The following RALGAPA2 variants were observed in gnomAD, a reference collection of about 807,000 sequenced individuals.
RALGAPA2 encodes the protein Ral GTPase activating protein catalytic subunit alpha 2.
Under a neutral mutation model 230.4 loss-of-function variants are expected in RALGAPA2, and 139 were observed. The ratio of observed to expected loss-of-function variants is 0.60; its 90% CI spans 0.53 to 0.69. The LOEUF is 0.69. RALGAPA2 is among the 30% of genes least tolerant of loss of function. The pLI is 0.00. For synonymous variants in RALGAPA2, 847 were observed against 837.8 expected, an observed-to-expected ratio of 1.01 and a Z score of -0.19; for missense variants, 2,163 against 2,276.0, an observed-to-expected ratio of 0.95 and a Z score of 1.01.
chr20:20,530,663 C>T (rs1450363922), intron 27 of RALGAPA2, among the ~76,000 whole-genome samples: 2 of 152,180 alleles, frequency 1.3e-5, no homozygotes, highest in Admixed American at 6.5e-5. Context: ...GCTATTATAG[C>T]TGCATGTGGC....
intron 27 of RALGAPA2, among the ~76,000 whole-genome samples, chr20:20,528,186 T>C (rs1348554093): frequency 6.6e-6 from 1 of 152,066 alleles, no homozygotes; most frequent in Non-Finnish European, 1.5e-5. Flanking sequence ...TGACATGTAA[T>C]GAAGGAGGTG....
At chr20:20,478,880 C>T (rs144507994) in intron 36 of RALGAPA2, among the ~76,000 whole-genome samples, 8 of 151,276 alleles carry the variant, frequency 5.3e-5, no homozygotes, top group South Asian at 2.1e-4. Context: ...AAAAAAAGTT[C>T]GTTCTTTGAA....
In RALGAPA2 at chr20:20,512,789, A is replaced by G. The variant is rs2062751826; in HGVS notation, c.4580T>C (p.Ile1527Thr). Residue 1527 changes from isoleucine to threonine, a missense_variant, in exon 32 of 40, where the codon ATT becomes ACT. Transcript: ENST00000202677. ...DDVLDKLLEN[I>T]GHTSPECLLP... ...AAGGCATTCAGGACTTGTATGGCCA[A>G]TGTTTTCAAGTAATTTGTCAAGAAC... 3 of 1,613,926 alleles carry G rather than the reference A, an allele frequency of 1.9e-6. No individual in the cohort carries two copies. Among genetic ancestry groups the G allele is most frequent in the Non-Finnish European group, 2.5e-6 (3 of 1,179,792 alleles).
Position 20,524,492 on chromosome 20 carries a change from C to A in RALGAPA2, c.3814G>T (p.Val1272Leu). The change falls in exon 30 of 40, where the codon GTG becomes TTG. Residue 1272 changes from valine (V) to leucine (L), a missense_variant. Val to Leu is a conservative substitution (Grantham distance 32). Transcript: ENST00000202677. The part of the protein sequence containing the change: ...CLLDWCMALP[V>L]SVLLHPVSTA... The stretch of plus-strand genomic sequence containing the variant: ...GACACGGGGTGGAGAAGGACACTCA[C>A]GGGCAATGCCATGCACCAGTCCAAG... 3 of 1,613,854 alleles carry A rather than the reference C, an allele frequency of 1.9e-6. No homozygotes were observed. Among genetic ancestry groups the A allele is most frequent in the Non-Finnish European group, 2.5e-6 (3 of 1,179,820 alleles).
At chr20:20,625,333 T>C (rs1030558734) in intron 10 of RALGAPA2, among the ~76,000 whole-genome samples, 1 of 152,236 alleles carries the variant, frequency 6.6e-6, no homozygotes, top group Non-Finnish European at 1.5e-5. Flanking sequence ...CCAGACTTTC[T>C]TCTAACATTA....
At chr20:20,402,412 T>C (rs1220691122) in intron 38 of RALGAPA2, among the ~76,000 whole-genome samples, 1 of 152,218 alleles carries the variant, frequency 6.6e-6, no homozygotes, top group African/African-American at 2.4e-5. Flanking sequence ...TTCTGTGTAG[T>C]GGGGATGGCC....
At chr20:20,599,950 G>A (rs2065583132) in intron 16 of RALGAPA2, among the ~76,000 whole-genome samples, 1 of 149,224 alleles carries the variant, frequency 6.7e-6, no homozygotes, top group Non-Finnish European at 1.5e-5. Flanking sequence ...TTCAGCCTGG[G>A]CTTTTTTTTA....
At chr20:20,577,276 G>A (rs1396252295) in intron 20 of RALGAPA2, among the ~76,000 whole-genome samples, 1 of 152,082 alleles carries the variant, frequency 6.6e-6, no homozygotes, top group East Asian at 1.9e-4. Context: ...AACTGAAAAG[G>A]AGGGCAGGTC....
intron 29 of RALGAPA2, 102 bp from the exon 30 acceptor site, chr20:20,524,645 G>A (rs2145484861): frequency 6.8e-7 from 1 of 1,466,168 alleles, no homozygotes; most frequent in East Asian, 2.3e-5. Flanking sequence ...CAGTGGACAT[G>A]CAGGTGCTAG....
In RALGAPA2 at chr20:20,546,687, A is replaced by T. The variant is rs766594182; in HGVS notation, c.3285+17T>A. 35 of 1,577,452 alleles carry T rather than the reference A, an allele frequency of 2.2e-5. No individual in the cohort carries two copies. The highest frequency in any genetic ancestry group is 3.0e-5 in the Non-Finnish European group (35 of 1,166,666). The stretch of plus-strand genomic sequence containing the variant: ...AAGCCTCTTGGGAGCTGGGATGCTG[A>T]GCATTGTCATACTCACCGTCAAAAT... On this transcript the variant is annotated intron_variant, in intron 24 of 39. Transcript: ENST00000202677.
intron 1 of RALGAPA2, among the ~76,000 whole-genome samples, chr20:20,694,210 C>T (rs73298817): frequency 0.076 from 11,546 of 151,340 alleles, 594 homozygotes; most frequent in East Asian, 0.16. Context: ...TTTTATTTTG[C>T]TGTAAAACAA....
intron 37 of RALGAPA2, among the ~76,000 whole-genome samples, chr20:20,429,246 C>T (rs1602342635): frequency 1.3e-5 from 2 of 152,326 alleles, no homozygotes; most frequent in Non-Finnish European, 1.5e-5. Flanking sequence ...CACATGCTGG[C>T]CTCTTCCTAC....
intron 38 of RALGAPA2, among the ~76,000 whole-genome samples, chr20:20,405,830 G>A (rs146984857): frequency 2.6e-5 from 4 of 152,156 alleles, no homozygotes; most frequent in Non-Finnish European, 5.9e-5. Context: ...ACATAATTAC[G>A]AGTGTTTGCT....
chr20:20,579,370 G>A lies in RALGAPA2; in HGVS notation c.2707+3680C>T, dbSNP rs898009492. ...GCTGTGCACATAGCAGACAACAGGC[G>A]TCCCCCTCCTGGAGTCTGCATTCCA... is the stretch of plus-strand genomic sequence containing the variant. On this transcript the variant is annotated intron_variant, in intron 20 of 39. Coordinates refer to ENST00000202677, the MANE Select transcript of RALGAPA2 (RefSeq NM_020343.4). Among the ~76,000 whole-genome samples, 13 of 152,114 alleles carry A rather than the reference G, an allele frequency of 8.5e-5. No individual in the cohort carries two copies. In the East Asian group the frequency reaches 9.6e-4, roughly 11 times the overall value.
intron 24 of RALGAPA2, among the ~76,000 whole-genome samples, chr20:20,537,001 T>C (rs941807969): frequency 2.0e-5 from 3 of 152,220 alleles, no homozygotes; most frequent in African/African-American, 7.2e-5. Context: ...TAAACAAGTG[T>C]TGTGGAAACT....
intron 23 of RALGAPA2, among the ~76,000 whole-genome samples, chr20:20,552,943 AAAAAC>A (rs371187764): frequency 4.1e-4 from 62 of 152,102 alleles, no homozygotes; most frequent in Admixed American, 9.2e-4. Context: ...ACGGCCCTTT[AAAAAC>A]AAAACAAAAC....
chr20:20,608,104 G>A (rs2065875596), intron 14 of RALGAPA2, among the ~76,000 whole-genome samples: 2 of 152,098 alleles, frequency 1.3e-5, no homozygotes. Flanking sequence ...GTGCATAAGA[G>A]CTTCTCCAAG....
At chr20:20,572,195 G>A (rs2064666073) in intron 21 of RALGAPA2, among the ~76,000 whole-genome samples, 1 of 151,962 alleles carries the variant, frequency 6.6e-6, no homozygotes, top group South Asian at 2.1e-4. Flanking sequence ...TGGCTGGGGA[G>A]GTCCTGAATT....
At chr20:20,585,213 C>T (rs965877245) in intron 18 of RALGAPA2, among the ~76,000 whole-genome samples, 1 of 152,142 alleles carries the variant, frequency 6.6e-6, no homozygotes, top group Non-Finnish European at 1.5e-5. Context: ...AGAAGGAATG[C>T]TAAATTATAT....
Sources: allele counts gnomAD v4.1 joint callset (sites outside exome capture counted in the v4.1 genomes callset), GRCh38; gene constraint gnomAD v4.1.1; transcripts MANE v1.5; gene names NCBI Gene and HGNC (gene_info 2026-07-23, HGNC 2026-07-21).